FHIP2A: variants seen among roughly 807,000 people sequenced by gnomAD.
FHIP2A encodes FHF complex subunit HOOK interacting protein 2A.
In FHIP2A, 46 loss-of-function variants were observed where a neutral mutation model predicts 93.5. The ratio of observed to expected loss-of-function variants is 0.49; its 90% confidence interval spans 0.39 to 0.63. The LOEUF (loss-of-function observed/expected upper bound fraction) is 0.63. Ranked by LOEUF, FHIP2A falls within the 20% of genes least tolerant of loss-of-function variation. FHIP2A has a pLI of 0.00. For synonymous variants in FHIP2A, 332 were observed against 326.5 expected, an observed-to-expected ratio of 1.02 and a Z score of -0.18; for missense variants, 769 against 909.7, an observed-to-expected ratio of 0.85 and a Z score of 1.99.
intron 1 of FHIP2A, among the ~76,000 whole-genome samples, chr10:114,829,774 ACT>A (rs1444224678): frequency 1.3e-5 from 2 of 152,026 alleles, no homozygotes; most frequent in Admixed American, 6.6e-5. Flanking sequence ...GGGAGCTCTC[ACT>A]CTCTTTCACT....
In FHIP2A at chr10:114,862,731, T is replaced by C; in HGVS notation, c.*1191T>C. On this transcript the variant is annotated 3_prime_UTR_variant, in exon 17 of 17. Coordinates refer to ENST00000369248, the MANE Select transcript of FHIP2A (RefSeq NM_020940.4). ...GCCAGTCCACTTTCTATTTTTCCTT[T>C]AAGTGATGCTGATCACTCAAATAAT... is the stretch of plus-strand genomic sequence containing the variant. 2 of 985,576 alleles carry C rather than the reference T, an allele frequency of 2.0e-6. No homozygotes were observed. The highest frequency in any genetic ancestry group is 2.4e-6 in the Non-Finnish European group (2 of 830,026). The allele number at this position is 985,576 out of a possible 1,614,324, so 61.1% of individuals were successfully genotyped here. A position where few individuals can be genotyped will look rare whatever the true frequency, so the allele number is the denominator to read the frequency against.
chr10:114,884,055 A>G (rs1441685998), intron 16 of FHIP2A, among the ~76,000 whole-genome samples: 1 of 152,214 alleles, frequency 6.6e-6, no homozygotes. Flanking sequence ...CCAAGAATGA[A>G]TTTACGACCT....
In FHIP2A at chr10:114,864,075, CT is replaced by C. The variant is rs1320280663; in HGVS notation, c.*2540del. ...ATGGAAGCTGTGAGTGGATTCATAG[CT>C]TTTTGGTTTAATTGTACATTATTGT... On this transcript the variant is annotated 3_prime_UTR_variant, in exon 17 of 17. Coordinates refer to ENST00000369248, the MANE Select transcript of FHIP2A (RefSeq NM_020940.4). 6 of 989,142 alleles carry C rather than the reference CT, an allele frequency of 6.1e-6. No individual in the cohort carries two copies. The highest frequency in any genetic ancestry group is 7.2e-6 in the Non-Finnish European group (6 of 832,316). 61.3% of individuals were successfully genotyped at this position (989,142 alleles called of 1,614,324 possible).
intron 16 of FHIP2A, among the ~76,000 whole-genome samples, chr10:114,897,275 G>A (rs2084005500): frequency 6.6e-6 from 1 of 152,180 alleles, no homozygotes; most frequent in Non-Finnish European, 1.5e-5. Context: ...GACAAATAGA[G>A]AATGTGAGGT....
chr10:114,831,882 T>C (rs902561258), intron 2 of FHIP2A, among the ~76,000 whole-genome samples: 8 of 152,208 alleles, frequency 5.3e-5, no homozygotes, highest in Non-Finnish European at 1.2e-4. Flanking sequence ...CCATACCATA[T>C]CAAACTTGAT....
Position 114,863,981 on chromosome 10 carries a change from T to C in FHIP2A, c.*2441T>C, listed in dbSNP as rs889443161. On this transcript the variant is annotated 3_prime_UTR_variant, in exon 17 of 17. Coordinates refer to ENST00000369248, the MANE Select transcript of FHIP2A (RefSeq NM_020940.4). ...TACTTGATAGAACTCAGATTTGTCT[T>C]AGCCTATTGCCATATAGTACTCACC... The C allele has an allele frequency of 2.8e-6, 3 of 1,066,382 alleles. No individual in the cohort carries two copies. Among genetic ancestry groups the C allele is most frequent in the African/African-American group, 1.7e-5 (1 of 58,286 alleles). 66.1% of individuals were successfully genotyped at this position (1,066,382 alleles called of 1,614,324 possible).
At position 114,863,937 on chromosome 10, in the gene FHIP2A, A is replaced by G. The variant is rs1009074652; in HGVS notation, c.*2397A>G. The G allele has an allele frequency of 3.8e-6, 4 of 1,065,018 alleles. No individual in the cohort carries two copies. The highest frequency in any genetic ancestry group is 1.1e-4 in the Admixed American group (2 of 17,744). 66.0% of individuals were successfully genotyped at this position (1,065,018 alleles called of 1,614,324 possible). On this transcript the variant is annotated 3_prime_UTR_variant, in exon 17 of 17. Transcript: ENST00000369248. The stretch of plus-strand genomic sequence containing the variant: ...CAATATAGTCTTTGGATTTGTTTTT[A>G]GTTATGAGCCGCATTCTTTACTTGA...
rs1254875917 is a variant in FHIP2A, at chr10:114,839,761, A to T, written c.523-3172A>T. Among the ~76,000 whole-genome samples, 3 of 151,918 alleles carry T rather than the reference A, an allele frequency of 2.0e-5. No individual in the cohort carries two copies. The East Asian group carries it at 5.8e-4, about 30-fold the overall frequency. ...GTCGGGCTTGGTGGCCCATGCCTAT[A>T]GTCCCAGCTACTCAGGAGGCTGAGG... is the stretch of plus-strand genomic sequence containing the variant. On this transcript the variant is annotated intron_variant, in intron 5 of 16. Transcript: ENST00000369248.
At chr10:114,834,445 G>A (rs2083625495) in intron 3 of FHIP2A, among the ~76,000 whole-genome samples, 1 of 151,964 alleles carries the variant, frequency 6.6e-6, no homozygotes, top group African/African-American at 2.4e-5. Flanking sequence ...ATAATTTAGT[G>A]GTTTATCTAA....
At chr10:114,851,845 C>T (rs2083738795) in intron 13 of FHIP2A, among the ~76,000 whole-genome samples, 1 of 151,450 alleles carries the variant, frequency 6.6e-6, no homozygotes. Flanking sequence ...GATGTTTTTC[C>T]ATTTACTCAG....
Position 114,860,550 on chromosome 10 carries a change from C to G in FHIP2A, c.1948-199C>G, listed in dbSNP as rs542587496. On this transcript the variant is annotated intron_variant, in intron 14 of 16. Coordinates refer to ENST00000369248, the MANE Select transcript of FHIP2A (RefSeq NM_020940.4). ...TATTTTGAGTAGAGACGGGGTTTCT[C>G]CATGTTGGTCAGGCTGGTCTCGAAC... is the stretch of plus-strand genomic sequence containing the variant. Among the ~76,000 whole-genome samples, 12 of 152,150 alleles carry G rather than the reference C, an allele frequency of 7.9e-5. No homozygotes were observed. In the South Asian group the frequency reaches 2.5e-3, roughly 32 times the overall value.
chr10:114,839,284 G>A (rs962018023), intron 5 of FHIP2A, among the ~76,000 whole-genome samples: 2 of 151,838 alleles, frequency 1.3e-5, no homozygotes, highest in African/African-American at 4.8e-5. Context: ...GCACCACCAC[G>A]CCCGGCTAAT....
At chr10:114,885,773 G>A (rs1008635282) in intron 16 of FHIP2A, among the ~76,000 whole-genome samples, 2 of 152,258 alleles carry the variant, frequency 1.3e-5, no homozygotes, top group Middle Eastern at 3.4e-3. Context: ...TCTCTTCTGT[G>A]GCTGTGGGTA....
chr10:114,895,772 A>G (rs1432305922), intron 16 of FHIP2A, among the ~76,000 whole-genome samples: 1 of 152,200 alleles, frequency 6.6e-6, no homozygotes, highest in East Asian at 1.9e-4. Context: ...CTGAACAACT[A>G]TCCCTAAACG....
intron 16 of FHIP2A, among the ~76,000 whole-genome samples, chr10:114,886,195 T>G (rs1200502785): frequency 6.6e-6 from 1 of 152,154 alleles, no homozygotes; most frequent in African/African-American, 2.4e-5. Flanking sequence ...AACAACTCTA[T>G]GAGATGGTTA....
chr10:114,836,357 T>A (rs1043077822), intron 5 of FHIP2A, 111 bp downstream of exon 5: 2 of 828,594 alleles, frequency 2.4e-6, no homozygotes, highest in African/African-American at 3.4e-5. Flanking sequence ...GTTATTAGCT[T>A]GTTTTACTTC....
At chr10:114,890,705 C>T (rs1044178421) in intron 16 of FHIP2A, among the ~76,000 whole-genome samples, 20 of 142,580 alleles carry the variant, frequency 1.4e-4, no homozygotes, top group African/African-American at 2.3e-4. Context: ...AAATATATAC[C>T]GTATATGACA....
chr10:114,828,299 C>T (rs1342922782), intron 1 of FHIP2A, among the ~76,000 whole-genome samples: 1 of 152,244 alleles, frequency 6.6e-6, no homozygotes, highest in South Asian at 2.1e-4. Context: ...GACACAAATG[C>T]ACTAAGACTT....
intron 16 of FHIP2A, among the ~76,000 whole-genome samples, chr10:114,878,002 C>T (rs916554225): frequency 2.0e-5 from 3 of 151,988 alleles, no homozygotes; most frequent in Non-Finnish European, 4.4e-5. Context: ...CCACCTTCCC[C>T]CCAATATATA....
Sources: allele counts gnomAD v4.1 joint callset (sites outside exome capture counted in the v4.1 genomes callset), GRCh38; gene constraint gnomAD v4.1.1; transcripts MANE v1.5; gene names NCBI Gene and HGNC (gene_info 2026-07-23, HGNC 2026-07-21).